Variants in CUX1 observed in about 807,000 individuals in gnomAD.
The protein encoded by CUX1 is cut like homeobox 1.
A neutral mutation model predicts 158.8 loss-of-function variants in CUX1; 31 were observed. That is an observed-to-expected ratio of 0.20 (90% CI 0.15 to 0.26). The LOEUF (loss-of-function observed/expected upper bound fraction) is 0.26. Among genes scored for constraint, CUX1 ranks in the 10% least tolerant of loss-of-function variants. The probability of loss-of-function intolerance (pLI) is 1.00; values close to 1 mark genes in which losing one functional copy is unlikely to be tolerated. For missense variants in CUX1, 1,589 were observed against 2,014.6 expected (o/e 0.79, Z 4.04); for synonymous variants, 879 against 862.1 (o/e 1.02, Z -0.34).
In CUX1 at chr7:102,252,604, C is replaced by A; in HGVS notation, c.*3562C>A. 1.0e-6 allele frequency: 1 copy of A among 985,446 alleles called. No homozygotes were observed. The highest frequency in any genetic ancestry group is 4.7e-5 in the South Asian group (1 of 21,284). The allele number at this position is 985,446 out of a possible 1,614,324, so 61.0% of individuals were successfully genotyped here. On this transcript the variant is annotated 3_prime_UTR_variant, in exon 24 of 24. Coordinates refer to ENST00000292535, the MANE Select transcript of CUX1 (RefSeq NM_181552.4). Reference sequence around the variant, plus strand: ...AGGCTCGGGGTAAAATCAGTGTTTGCATTTAGCCTCTTGACCCGGAGTTCC... The same window carrying A: ...AGGCTCGGGGTAAAATCAGTGTTTGAATTTAGCCTCTTGACCCGGAGTTCC...
At chr7:101,930,836 C>G (rs1283384140) in intron 2 of CUX1, among the ~76,000 whole-genome samples, 1 of 152,182 alleles carries the variant, frequency 6.6e-6, no homozygotes, top group African/African-American at 2.4e-5. Flanking sequence ...GTGGCTCATG[C>G]CTGTAATCCC....
At chr7:102,082,932 A>G (rs1364538075) in intron 4 of CUX1, among the ~76,000 whole-genome samples, 2 of 147,618 alleles carry the variant, frequency 1.4e-5, no homozygotes, top group African/African-American at 4.9e-5. Context: ...TTACATAGGT[A>G]TATGTTTTTA....
chr7:102,183,715 A>C (rs1793361886), intron 11 of CUX1, among the ~76,000 whole-genome samples: 1 of 152,164 alleles, frequency 6.6e-6, no homozygotes, highest in South Asian at 2.1e-4. Flanking sequence ...CACCAACTCT[A>C]ACCTGAGCCA....
intron 23 of CUX1, among the ~76,000 whole-genome samples, chr7:102,242,633 C>T (rs1349957369): frequency 1.3e-5 from 2 of 152,210 alleles, no homozygotes; most frequent in East Asian, 3.8e-4. Context: ...CCCTAGGTTA[C>T]CATCTGGGCA....
At position 102,253,297 on chromosome 7, in the gene CUX1, G is replaced by A; in HGVS notation, c.*4255G>A. ...CATACCCCATCTCCCTCCTTGGCCA[G>A]GGCCAGCATCAGGCGTGCAGCTCAT... On this transcript the variant is annotated 3_prime_UTR_variant, in exon 24 of 24. Transcript: ENST00000292535. The A allele has an allele frequency of 1.0e-6, 1 of 985,610 alleles. No individual in the cohort carries two copies. Among genetic ancestry groups the A allele is most frequent in the Non-Finnish European group, 1.2e-6 (1 of 830,078 alleles). The allele number at this position is 985,610 out of a possible 1,614,324, so 61.1% of individuals were successfully genotyped here. A position where few individuals can be genotyped will look rare whatever the true frequency, so the allele number is the denominator to read the frequency against.
intron 8 of CUX1, among the ~76,000 whole-genome samples, chr7:102,141,765 G>T (rs1834488407): frequency 6.6e-6 from 1 of 150,790 alleles, no homozygotes; most frequent in Non-Finnish European, 1.5e-5. Context: ...TGGGATTACA[G>T]GTGCACACCA....
intron 11 of CUX1, among the ~76,000 whole-genome samples, chr7:102,179,528 C>T (rs896482221): frequency 6.6e-6 from 1 of 152,194 alleles, no homozygotes; most frequent in African/African-American, 2.4e-5. Context: ...CCTCAGTGGC[C>T]CCTGTCCAGG....
At chr7:101,995,287 G>C (rs145248899) in intron 2 of CUX1, among the ~76,000 whole-genome samples, 1 of 152,072 alleles carries the variant, frequency 6.6e-6, no homozygotes, top group Non-Finnish European at 1.5e-5. Flanking sequence ...TCCCTGCCAC[G>C]TGGACTCCAG....
chr7:102,161,680 A>G (rs1336496537), intron 9 of CUX1, among the ~76,000 whole-genome samples: 3 of 152,182 alleles, frequency 2.0e-5, no homozygotes, highest in Admixed American at 1.3e-4. Context: ...GCACGATCTC[A>G]GCTCACTGCA....
At chr7:101,849,949 C>T (rs1361314139) in intron 1 of CUX1, among the ~76,000 whole-genome samples, 5 of 127,686 alleles carry the variant, frequency 3.9e-5, no homozygotes, top group African/African-American at 1.5e-4. Context: ...GACAGGGTCT[C>T]ACTCTGTCGC....
In CUX1 at chr7:102,203,249, G is replaced by A. The variant is rs187797047; in HGVS notation, c.2907+1045G>A. On this transcript the variant is annotated intron_variant, in intron 18 of 23. Coordinates refer to ENST00000292535, the MANE Select transcript of CUX1 (RefSeq NM_181552.4). ...CCCCTACCATTTTAGATTAAATAACGGAGTGCTGAATAGAAGGAGAAGCAC... is the reference window on the plus strand; with the variant it reads ...CCCCTACCATTTTAGATTAAATAACAGAGTGCTGAATAGAAGGAGAAGCAC... 2.2e-4 allele frequency among the ~76,000 whole-genome samples: 33 copies of A among 152,202 alleles called. No individual in the cohort carries two copies. In the East Asian group the frequency reaches 5.4e-3, roughly 25 times the overall value.
chr7:102,240,849 C>G (rs1800123998), intron 23 of CUX1, among the ~76,000 whole-genome samples: 1 of 152,124 alleles, frequency 6.6e-6, no homozygotes, highest in Non-Finnish European at 1.5e-5. Context: ...GAGACGGAGC[C>G]TTGCTCTGTC....
chr7:101,889,789 A>G (rs1800668828), intron 1 of CUX1, among the ~76,000 whole-genome samples: 1 of 150,516 alleles, frequency 6.6e-6, no homozygotes, highest in Admixed American at 6.6e-5. Context: ...AAATAAACAA[A>G]TAAATACATC....
intron 12 of CUX1, among the ~76,000 whole-genome samples, chr7:102,191,543 T>C (rs1554516984): frequency 1.3e-5 from 2 of 152,154 alleles, no homozygotes; most frequent in Non-Finnish European, 2.9e-5. Flanking sequence ...CTGGTTAACC[T>C]TCTCTACCTG....
intron 11 of CUX1, among the ~76,000 whole-genome samples, chr7:102,179,109 A>G (rs28715132): frequency 0.12 from 18,494 of 151,836 alleles, 2,238 homozygotes; most frequent in African/African-American, 0.31. Context: ...GTGCAATGGC[A>G]TGATCTGGGC....
intron 2 of CUX1, among the ~76,000 whole-genome samples, chr7:101,965,675 G>A (rs1563069605): frequency 6.6e-6 from 1 of 151,794 alleles, no homozygotes; most frequent in Non-Finnish European, 1.5e-5. Flanking sequence ...GTGAAACCCT[G>A]TCTCTACTAA....
At chr7:101,890,491 A>C (rs1023836189) in intron 1 of CUX1, among the ~76,000 whole-genome samples, 2 of 151,986 alleles carry the variant, frequency 1.3e-5, no homozygotes, top group Non-Finnish European at 2.9e-5. Flanking sequence ...CTTCGTGGGA[A>C]TCAGCATGAG....
chr7:102,164,073 T>C (rs2131618364), intron 9 of CUX1, among the ~76,000 whole-genome samples: 1 of 152,318 alleles, frequency 6.6e-6, no homozygotes, highest in South Asian at 2.1e-4. Flanking sequence ...TGAGACTTCA[T>C]GGTCAATAAG....
intron 1 of CUX1, among the ~76,000 whole-genome samples, chr7:101,820,236 C>T (rs967591928): frequency 2.6e-5 from 4 of 152,182 alleles, no homozygotes; most frequent in African/African-American, 9.7e-5. Context: ...TGTAATGCCC[C>T]AGGAACGTCT....
Sources: gnomAD v4.1 joint callset for allele counts (sites outside exome capture counted in the v4.1 genomes callset) on GRCh38, gnomAD v4.1.1 for gene constraint, MANE v1.5 for transcripts, NCBI Gene and HGNC (gene_info 2026-07-23, HGNC 2026-07-21) for gene names.